FCHSD2: variants seen among roughly 807,000 people sequenced by gnomAD.
FCHSD2 encodes F-BAR and double SH3 domains protein 2.
A neutral mutation model predicts 108.1 loss-of-function variants in FCHSD2; 38 were observed. That is an observed-to-expected ratio of 0.35 (90% CI 0.27 to 0.46). The LOEUF (loss-of-function observed/expected upper bound fraction) is 0.46. Among genes scored for constraint, FCHSD2 ranks in the 20% least tolerant of loss-of-function variants. The probability of loss-of-function intolerance (pLI) is 1.00; values close to 1 mark genes in which losing one functional copy is unlikely to be tolerated. For missense variants in FCHSD2, 751 were observed against 897.8 expected, an observed-to-expected ratio of 0.84 and a Z score of 2.09; for synonymous variants, 279 against 314.7, an observed-to-expected ratio of 0.89 and a Z score of 1.20.
At chr11:72,988,173 G>A (rs1445617333) in intron 6 of FCHSD2, among the ~76,000 whole-genome samples, 1 of 152,122 alleles carries the variant, frequency 6.6e-6, no homozygotes, top group African/African-American at 2.4e-5. Context: ...ATGATTAGGA[G>A]TTCAGACTCC....
chr11:72,933,233 TC>T (rs35175051), intron 8 of FCHSD2, among the ~76,000 whole-genome samples: 1 of 152,118 alleles, frequency 6.6e-6, no homozygotes, highest in Non-Finnish European at 1.5e-5. Flanking sequence ...AATTAGGTCA[TC>T]CCTGGGATAG....
intron 9 of FCHSD2, among the ~76,000 whole-genome samples, chr11:72,915,766 C>T (rs1324641278): frequency 3.9e-5 from 6 of 151,968 alleles, no homozygotes; most frequent in South Asian, 2.1e-4. Flanking sequence ...TGCAGTGAGC[C>T]GAGATCACGC....
chr11:73,023,681 T>C (rs1292285008), intron 3 of FCHSD2, among the ~76,000 whole-genome samples: 1 of 152,196 alleles, frequency 6.6e-6, no homozygotes, highest in Non-Finnish European at 1.5e-5. Context: ...GCCAACTGAT[T>C]TGAAAACTTA....
chr11:72,849,937 T>C (rs1326508709), intron 13 of FCHSD2, 48 bp from the exon 14 acceptor site: 9 of 1,536,762 alleles, frequency 5.9e-6, no homozygotes, highest in Admixed American at 1.9e-5. Flanking sequence ...TTCAAGAAAA[T>C]GGTTGAAAGC....
At chr11:72,881,879 C>T (rs758233172) in intron 12 of FCHSD2, among the ~76,000 whole-genome samples, 11 of 152,030 alleles carry the variant, frequency 7.2e-5, no homozygotes, top group Admixed American at 2.6e-4. Context: ...CGGTGGCTCA[C>T]GCCTGTAATC....
At chr11:73,100,520 C>T (rs946839230) in intron 2 of FCHSD2, among the ~76,000 whole-genome samples, 2 of 152,128 alleles carry the variant, frequency 1.3e-5, no homozygotes, top group Non-Finnish European at 2.9e-5. Flanking sequence ...TGCGCCACCA[C>T]GCCTGGCTAA....
intron 9 of FCHSD2, among the ~76,000 whole-genome samples, chr11:72,907,596 T>TG (rs1156481284): frequency 1.2e-5 from 1 of 83,834 alleles, no homozygotes; most frequent in African/African-American, 4.3e-5. Flanking sequence ...GATAATCACG[T>TG]GGGTTTTTTT....
At position 73,052,851 on chromosome 11, in the gene FCHSD2, CT is replaced by C. The variant is rs1337750145; in HGVS notation, c.165+30843del. On this transcript the variant is annotated intron_variant, in intron 3 of 19. Coordinates refer to ENST00000409418, the MANE Select transcript of FCHSD2 (RefSeq NM_014824.3). ...TTTAGGACATATTCCATAATTTTCT[CT>C]TTTTTTCTTTTTGAGATGGAGTCTC... Among the ~76,000 whole-genome samples, 6 of 151,986 alleles carry C rather than the reference CT, an allele frequency of 3.9e-5. No individual in the cohort carries two copies. In the East Asian group the frequency reaches 5.8e-4, roughly 15 times the overall value.
At chr11:72,922,080 C>A in intron 8 of FCHSD2, 130 bp from the exon 9 acceptor site, 1 of 607,484 alleles carries the variant, frequency 1.6e-6, no homozygotes. Context: ...ACAAAAGATA[C>A]AGATTGTAAG....
chr11:72,916,643 C>G (rs1207120709), intron 9 of FCHSD2, among the ~76,000 whole-genome samples: 1 of 152,062 alleles, frequency 6.6e-6, no homozygotes, highest in African/African-American at 2.4e-5. Context: ...ATTGGGTTGT[C>G]TCTGATGTTG....
intron 4 of FCHSD2, among the ~76,000 whole-genome samples, chr11:73,013,313 C>G (rs1354158862): frequency 1.3e-5 from 2 of 152,190 alleles, no homozygotes. Flanking sequence ...AAACTGTCTG[C>G]CTGGAAAACT....
intron 2 of FCHSD2, among the ~76,000 whole-genome samples, chr11:73,118,756 T>C (rs1860663326): frequency 6.6e-6 from 1 of 152,184 alleles, no homozygotes; most frequent in Non-Finnish European, 1.5e-5. Flanking sequence ...CCACGTGTAA[T>C]GCATTGTTCT....
At chr11:72,954,619 C>G (rs1856678751) in intron 8 of FCHSD2, among the ~76,000 whole-genome samples, 1 of 151,876 alleles carries the variant, frequency 6.6e-6, no homozygotes, top group Admixed American at 6.6e-5. Context: ...ATATAGTTGT[C>G]ATTACTGAAA....
chr11:72,896,288 T>C (rs766188474), intron 10 of FCHSD2, among the ~76,000 whole-genome samples: 19 of 152,216 alleles, frequency 1.2e-4, no homozygotes, highest in Admixed American at 4.6e-4. Context: ...GTATTCTCAT[T>C]CCGACTGGGA....
chr11:73,041,692 T>C (rs770894546), intron 3 of FCHSD2, among the ~76,000 whole-genome samples: 1 of 152,184 alleles, frequency 6.6e-6, no homozygotes, highest in South Asian at 2.1e-4. Context: ...ATTCTACAGG[T>C]TGTCTCTTCA....
intron 7 of FCHSD2, among the ~76,000 whole-genome samples, 168 bp from the exon 8 acceptor site, chr11:72,984,384 T>G (rs915466792): frequency 2.4e-4 from 36 of 152,302 alleles, no homozygotes; most frequent in African/African-American, 8.7e-4. Context: ...TACTAAGGAA[T>G]GAAACAGTGA....
At position 72,975,600 on chromosome 11, in the gene FCHSD2, G is replaced by A. The variant is rs532534938; in HGVS notation, c.705+8488C>T. 1.4e-4 allele frequency among the ~76,000 whole-genome samples: 21 copies of A among 152,090 alleles called. No individual in the cohort carries two copies. In the South Asian group the frequency reaches 3.5e-3, roughly 26 times the overall value. On this transcript the variant is annotated intron_variant, in intron 8 of 19. Coordinates refer to ENST00000409418, the MANE Select transcript of FCHSD2 (RefSeq NM_014824.3). ...CCCATTTGATCCTTACACATTGTAC[G>A]CATGCATCAAAATATCACACATACA...
chr11:73,127,939 T>C (rs770128695), intron 2 of FCHSD2, among the ~76,000 whole-genome samples: 2 of 134,036 alleles, frequency 1.5e-5, no homozygotes, highest in African/African-American at 2.9e-5. Context: ...CTACTAAAAA[T>C]ACAAAAAATT....
chr11:73,017,886 A>C (rs892809931), intron 3 of FCHSD2, among the ~76,000 whole-genome samples: 2 of 152,196 alleles, frequency 1.3e-5, no homozygotes, highest in Admixed American at 1.3e-4. Context: ...TTTTCATTTC[A>C]TTAAAGTATA....
Sources: allele counts gnomAD v4.1 joint callset (sites outside exome capture counted in the v4.1 genomes callset), GRCh38; gene constraint gnomAD v4.1.1; transcripts MANE v1.5; gene names NCBI Gene and HGNC (gene_info 2026-07-23, HGNC 2026-07-21).